The following LDLRAP1 variants were observed in gnomAD, a reference collection of about 807,000 sequenced individuals.
LDLRAP1 encodes the protein low density lipoprotein receptor adaptor protein 1.
LDLRAP1 carries 30 observed loss-of-function variants against 37.8 expected under a neutral mutation model. That is an observed-to-expected ratio of 0.79 (90% CI 0.59 to 1.08). LDLRAP1 has a LOEUF of 1.08. LDLRAP1 is among the 50% of genes least tolerant of loss of function. LDLRAP1 has a pLI of 0.00. For synonymous variants in LDLRAP1, 156 were observed against 169.8 expected, an observed-to-expected ratio of 0.92 and a Z score of 0.63; for missense variants, 375 against 401.6, an observed-to-expected ratio of 0.93 and a Z score of 0.57.
intron 1 of LDLRAP1, among the ~76,000 whole-genome samples, chr1:25,550,750 G>T (rs2044053219): frequency 6.6e-6 from 1 of 152,136 alleles, no homozygotes; most frequent in African/African-American, 2.4e-5. Flanking sequence ...TTGAGCTGAG[G>T]GCCTAAGGCT....
intron 1 of LDLRAP1, among the ~76,000 whole-genome samples, chr1:25,552,928 G>A (rs1223910514): frequency 6.6e-6 from 1 of 152,206 alleles, no homozygotes; most frequent in Admixed American, 6.5e-5. Context: ...CAGAGAGGGG[G>A]GAATGTTAGT....
intron 1 of LDLRAP1, among the ~76,000 whole-genome samples, chr1:25,550,757 G>A (rs1288162920): frequency 6.6e-6 from 1 of 152,172 alleles, no homozygotes; most frequent in African/African-American, 2.4e-5. Flanking sequence ...GAGGGCCTAA[G>A]GCTGATGAGT....
rs2044154996 is a variant in LDLRAP1, at chr1:25,554,579, T to C, written c.232-281T>C. 6.6e-6 allele frequency among the ~76,000 whole-genome samples: 1 copy of C among 152,356 alleles called. No individual in the cohort carries two copies. The highest frequency in any genetic ancestry group is 6.5e-5 in the Admixed American group (1 of 15,310). On this transcript the variant is annotated intron_variant, in intron 2 of 8. Transcript: ENST00000374338. The surrounding 1 kb of genome is among the most constrained non-coding windows in gnomAD (Gnocchi z 5.4). ...CCGAGTCTGCAGGCCCTTCTAGCTG[T>C]GTGTCCTTGGGTAAGTCCCTTAGCC...
chr1:25,577,143 C>T, the LDLRAP1 span, among the ~76,000 whole-genome samples: 1 of 152,218 alleles, frequency 6.6e-6, no homozygotes, highest in African/African-American at 2.4e-5. Context: ...ATGTCCTGAA[C>T]GCTGCTTTAT....
the LDLRAP1 span, among the ~76,000 whole-genome samples, chr1:25,587,903 T>C: frequency 1.3e-5 from 2 of 152,076 alleles, no homozygotes; most frequent in South Asian, 4.1e-4. Context: ...TAGAAAGAAG[T>C]AGACATAAGA....
chr1:25,549,688 ACCT>A (rs2044024568), intron 1 of LDLRAP1, among the ~76,000 whole-genome samples: 1 of 152,058 alleles, frequency 6.6e-6, no homozygotes, highest in African/African-American at 2.4e-5. Context: ...CTCTGGGAGC[ACCT>A]CCTGAAGCCG....
At chr1:25,565,879 G>A (rs539326478) in intron 8 of LDLRAP1, among the ~76,000 whole-genome samples, 1 of 152,250 alleles carries the variant, frequency 6.6e-6, no homozygotes, top group South Asian at 2.1e-4. Flanking sequence ...CCACATCAGG[G>A]GCTTTGTTTG....
At position 25,544,696 on chromosome 1, in the gene LDLRAP1, G is replaced by C. The variant is rs1157420375; in HGVS notation, c.88+910G>C. Reference sequence around the variant, plus strand: ...CAGCCTAGCGCAGGTCTCGTTGTTTGGGAGGGAGAAGAGAGTGGCTTGCCT... The same window carrying C: ...CAGCCTAGCGCAGGTCTCGTTGTTTCGGAGGGAGAAGAGAGTGGCTTGCCT... On this transcript the variant is annotated intron_variant, in intron 1 of 8. Coordinates refer to ENST00000374338, the MANE Select transcript of LDLRAP1 (RefSeq NM_015627.3). The surrounding 1 kb of genome is among the most constrained non-coding windows in gnomAD (Gnocchi z 4.8). Among the ~76,000 whole-genome samples, 1 of 152,108 alleles carries C rather than the reference G, an allele frequency of 6.6e-6. No individual in the cohort carries two copies. Among genetic ancestry groups the C allele is most frequent in the Non-Finnish European group, 1.5e-5 (1 of 68,012 alleles).
intron 8 of LDLRAP1, among the ~76,000 whole-genome samples, chr1:25,565,459 T>A (rs2044453689): frequency 6.6e-6 from 1 of 152,130 alleles, no homozygotes; most frequent in South Asian, 2.1e-4. Context: ...TGGTGGCTGC[T>A]CTGCCGCAGT....
chr1:25,576,184 A>T, the LDLRAP1 span, among the ~76,000 whole-genome samples: 1 of 151,902 alleles, frequency 6.6e-6, no homozygotes, highest in Admixed American at 6.6e-5. Context: ...GTGAGCCAAG[A>T]TCGTGCCACT....
the LDLRAP1 span, among the ~76,000 whole-genome samples, chr1:25,573,975 C>T: frequency 6.6e-5 from 10 of 152,168 alleles, no homozygotes; most frequent in African/African-American, 2.4e-4. Context: ...TTTGTAAATA[C>T]GTAAAAATAG....
chr1:25,589,646 G>A, the LDLRAP1 span, among the ~76,000 whole-genome samples: 1 of 152,178 alleles, frequency 6.6e-6, no homozygotes, highest in Non-Finnish European at 1.5e-5. Flanking sequence ...CTTGAGCTGG[G>A]ACCTCCATCT....
chr1:25,579,077 G>A, the LDLRAP1 span, among the ~76,000 whole-genome samples: 2 of 152,182 alleles, frequency 1.3e-5, no homozygotes, highest in Non-Finnish European at 2.9e-5. Flanking sequence ...GTTGTTTAAA[G>A]CCTTGACTTG....
At chr1:25,570,655 C>T (rs949357096), downstream of LDLRAP1, among the ~76,000 whole-genome samples, 1 of 152,038 alleles carries the variant, frequency 6.6e-6, no homozygotes, top group Non-Finnish European at 1.5e-5. Flanking sequence ...GTCAGGAGAT[C>T]GAGACCATCC....
intron 4 of LDLRAP1, among the ~76,000 whole-genome samples, chr1:25,558,023 A>G (rs554305990): frequency 6.6e-6 from 1 of 152,090 alleles, no homozygotes; most frequent in South Asian, 2.1e-4. Context: ...TCCTTGTCTC[A>G]TTTCCAGGAC....
At chr1:25,569,720 G>A (rs969509294), downstream of LDLRAP1, among the ~76,000 whole-genome samples, 2 of 152,220 alleles carry the variant, frequency 1.3e-5, no homozygotes, top group Non-Finnish European at 2.9e-5. Context: ...TGTGCCGGGT[G>A]TTGTGCTGAG....
the LDLRAP1 span, among the ~76,000 whole-genome samples, chr1:25,586,579 TGC>T: frequency 1.4e-5 from 2 of 147,478 alleles, no homozygotes; most frequent in African/African-American, 5.3e-5. This position sits in a 1 kb window ranked among gnomAD's most constrained non-coding sequence, Gnocchi z 4.3. Flanking sequence ...TGTGTGCGTG[TGC>T]GCGCGTGTGT....
intron 4 of LDLRAP1, among the ~76,000 whole-genome samples, chr1:25,557,824 C>A (rs2044244807): frequency 6.6e-6 from 1 of 151,956 alleles, no homozygotes; most frequent in African/African-American, 2.4e-5. Context: ...GCTTCCAGGT[C>A]TTCACTCGTT....
the LDLRAP1 span, among the ~76,000 whole-genome samples, chr1:25,588,849 C>T: frequency 6.6e-6 from 1 of 152,216 alleles, no homozygotes; most frequent in Non-Finnish European, 1.5e-5. Flanking sequence ...GTTTTTCCGT[C>T]TTAAAGTGGG....
Sources: allele counts gnomAD v4.1 joint callset (sites outside exome capture counted in the v4.1 genomes callset), GRCh38; gene constraint gnomAD v4.1.1; non-coding constraint Gnocchi (gnomAD v3.1); transcripts MANE v1.5; gene names NCBI Gene and HGNC (gene_info 2026-07-23, HGNC 2026-07-21).